DLGAP3: variants seen among roughly 807,000 people sequenced by gnomAD.
DLGAP3 encodes DLG associated protein 3.
In DLGAP3, 17 loss-of-function variants were observed where a neutral mutation model predicts 81.2. The observed-to-expected ratio is 0.21, with a 90% CI of 0.14 to 0.31. DLGAP3 has a LOEUF of 0.31. Among genes scored for constraint, DLGAP3 ranks in the 10% least tolerant of loss-of-function variants. DLGAP3 has a pLI of 1.00. For missense variants in DLGAP3, 1,124 were observed against 1,388.0 expected (o/e 0.81, Z 3.02); for synonymous variants, 577 against 587.4 (o/e 0.98, Z 0.26).
chr1:34,868,921 G>C lies in DLGAP3; in HGVS notation c.2169C>G (p.Pro723=), dbSNP rs200523465. The change falls in exon 9 of 12, where the codon CCC becomes CCG. Residue 723 remains proline (P), a synonymous_variant. Coordinates refer to ENST00000373347, the MANE Select transcript of DLGAP3 (RefSeq NM_001080418.3). The surrounding 1 kb of genome is among the most constrained non-coding windows in gnomAD (Gnocchi z 7.5). The part of the protein sequence containing the change: ...ASEPQPGPRA[P]TYSVFRTVHT... Reference sequence around the variant, plus strand: ...GGACCGTGCGGAAGACTGAGTAGGTGGGGGCCCGGGGCCCAGGCTGGGGCT... The same window carrying C: ...GGACCGTGCGGAAGACTGAGTAGGTCGGGGCCCGGGGCCCAGGCTGGGGCT... 4.6e-5 allele frequency: 74 copies of C among 1,608,548 alleles called. No individual in the cohort carries two copies. The East Asian group carries it at 1.3e-3, about 28-fold the overall frequency.
rs776159291 is a variant in DLGAP3, at chr1:34,868,710, C to CGCGTGGGCAGGGGGATGCGCG, written c.2359_2379dup (p.Arg787_Arg793dup). ...AGCATCTTGATGAACCACTCGCCGT[C>CGCGTGGGCAGGGGGATGCGCG]GCGTGGGCAGGGGGATGCGCGGCCT... On this transcript the variant is annotated inframe_insertion, in exon 9 of 12. Transcript: ENST00000373347. This position sits in a 1 kb window ranked among gnomAD's most constrained non-coding sequence, Gnocchi z 7.5. 6.2e-7 allele frequency: 1 copy of CGCGTGGGCAGGGGGATGCGCG among 1,611,034 alleles called. No homozygotes were observed. Among genetic ancestry groups the CGCGTGGGCAGGGGGATGCGCG allele is most frequent in the Non-Finnish European group, 8.5e-7 (1 of 1,179,958 alleles).
In DLGAP3 at chr1:34,867,104, T is replaced by C; in HGVS notation, c.2665A>G (p.Lys889Glu). 1 of 1,614,108 alleles carries C rather than the reference T, an allele frequency of 6.2e-7. No individual in the cohort carries two copies. Among genetic ancestry groups the C allele is most frequent in the Non-Finnish European group, 8.5e-7 (1 of 1,179,986 alleles). ...LQLSIEDVTLKFLELQQLKAN... is the reference protein window; with the variant it reads ...LQLSIEDVTLEFLELQQLKAN... ...TTGAGTTGCTGTAGCTCCAGGAACT[T>C]GAGGGTCACATCCTCGATGGAGAGC... Residue 889 changes from lysine to glutamate, a missense_variant, in exon 11 of 12, where the codon AAG becomes GAG. Coordinates refer to ENST00000373347, the MANE Select transcript of DLGAP3 (RefSeq NM_001080418.3). This position sits in a 1 kb window ranked among gnomAD's most constrained non-coding sequence, Gnocchi z 4.3.
At chr1:34,883,588 T>C (rs1005523201) in intron 8 of DLGAP3, among the ~76,000 whole-genome samples, 1 of 152,196 alleles carries the variant, frequency 6.6e-6, no homozygotes, top group African/African-American at 2.4e-5. Flanking sequence ...ATTTGCAAAT[T>C]GGGTTTGCCA....
At chr1:34,897,112 G>A (rs115330603) in intron 5 of DLGAP3, among the ~76,000 whole-genome samples, 2,257 of 149,014 alleles carry the variant, frequency 0.015, 33 homozygotes, top group Non-Finnish European at 0.022. Flanking sequence ...AATACTAAAC[G>A]AAAAAAAAAT....
At chr1:34,893,469 G>C (rs1005699249) in intron 5 of DLGAP3, among the ~76,000 whole-genome samples, 1 of 152,176 alleles carries the variant, frequency 6.6e-6, no homozygotes, top group Non-Finnish European at 1.5e-5. Flanking sequence ...ACCAGAAATG[G>C]TAAATATGTG....
At chr1:34,901,120 G>T (rs1309032655) in intron 3 of DLGAP3, among the ~76,000 whole-genome samples, 1 of 152,156 alleles carries the variant, frequency 6.6e-6, no homozygotes, top group East Asian at 1.9e-4. Context: ...TGAGCAGGTG[G>T]TTGGATGTTT....
Position 34,865,725 on chromosome 1 carries a change from GA to G in DLGAP3, c.*357del, listed in dbSNP as rs1401170523. 4,725 of 337,682 alleles carry G rather than the reference GA, an allele frequency of 0.014. 251 individuals carry two copies. Among genetic ancestry groups the G allele is most frequent in the African/African-American group, 0.1 (4,387 of 42,840 alleles). 20.9% of individuals were successfully genotyped at this position (337,682 alleles called of 1,614,324 possible). On this transcript the variant is annotated 3_prime_UTR_variant, in exon 12 of 12. Transcript: ENST00000373347. ...CGAAGCCCAGCCCCGCGGGGTGGGG[GA>G]GGGGGGGACGCAGAGCCCAGATGAG...
chr1:34,900,364 G>T lies in DLGAP3; in HGVS notation c.1108-91C>A, dbSNP rs1639437655. 3 of 1,384,124 alleles carry T rather than the reference G, an allele frequency of 2.2e-6. No individual in the cohort carries two copies. The highest frequency in any genetic ancestry group is 1.4e-5 in the African/African-American group (1 of 70,750). 85.7% of individuals were successfully genotyped at this position (1,384,124 alleles called of 1,614,324 possible). ...CCCCACTGCCAGTGGGAGATGCCCT[G>T]CCCTGGCTTGAACAGGCACACTCAG... On this transcript the variant is annotated intron_variant, in intron 3 of 11. Transcript: ENST00000373347. The surrounding 1 kb of genome is among the most constrained non-coding windows in gnomAD (Gnocchi z 5.6).
chr1:34,886,329 G>T (rs1005233438), intron 5 of DLGAP3, 44 bp from the exon 6 acceptor site: 10 of 1,511,350 alleles, frequency 6.6e-6, no homozygotes, highest in Admixed American at 4.0e-5. Flanking sequence ...GGTGCCGGGA[G>T]GGGGTGGAAG....
intron 1 of DLGAP3, among the ~76,000 whole-genome samples, chr1:34,920,813 A>G (rs996441614): frequency 1.2e-4 from 19 of 152,240 alleles, no homozygotes; most frequent in Non-Finnish European, 2.1e-4. Flanking sequence ...AAACAGATGA[A>G]GCTCCCATGC....
At position 34,895,945 on chromosome 1, in the gene DLGAP3, C is replaced by T. The variant is rs1639374790; in HGVS notation, c.1386+3724G>A. On this transcript the variant is annotated intron_variant, in intron 5 of 11. Transcript: ENST00000373347. This position sits in a 1 kb window ranked among gnomAD's most constrained non-coding sequence, Gnocchi z 4.5. ...ACACACACACACACACACACACACA[C>T]ACACACACACTACTCAAAGTGGGTC... 7.4e-6 allele frequency among the ~76,000 whole-genome samples: 1 copy of T among 135,998 alleles called. No individual in the cohort carries two copies. Among genetic ancestry groups the T allele is most frequent in the Non-Finnish European group, 1.6e-5 (1 of 61,578 alleles). 89.2% of individuals were successfully genotyped at this position (135,998 alleles called of 152,430 possible).
intron 8 of DLGAP3, among the ~76,000 whole-genome samples, chr1:34,875,777 A>T (rs948751484): frequency 3.3e-5 from 5 of 152,240 alleles, no homozygotes; most frequent in African/African-American, 1.2e-4. Flanking sequence ...CTGATTAAGT[A>T]TGTTCTCTCT....
chr1:34,907,626 C>T (rs1461552174), intron 1 of DLGAP3, among the ~76,000 whole-genome samples, 189 bp from the exon 2 acceptor site: 6 of 152,186 alleles, frequency 3.9e-5, no homozygotes, highest in African/African-American at 1.4e-4. Flanking sequence ...CAAATACATT[C>T]AAATGAGCTT....
In DLGAP3 at chr1:34,868,707, C is replaced by G. The variant is rs200442780; in HGVS notation, c.2383G>C (p.Gly795Arg). 6.2e-7 allele frequency: 1 copy of G among 1,611,156 alleles called. No individual in the cohort carries two copies. The highest frequency in any genetic ancestry group is 8.5e-7 in the Non-Finnish European group (1 of 1,179,986). ...CGCAGCATCTTGATGAACCACTCGC[C>G]GTCGCGTGGGCAGGGGGATGCGCGG... is the stretch of plus-strand genomic sequence containing the variant. ...SGRASPCPRD[G>R]EWFIKMLRAE... is the part of the protein sequence containing the mutation. The change falls in exon 9 of 12, where the codon GGC (glycine) becomes CGC (arginine). Residue 795 changes from glycine to arginine, a missense_variant. Gly to Arg is a moderately radical substitution (Grantham distance 125). Coordinates refer to ENST00000373347, the MANE Select transcript of DLGAP3 (RefSeq NM_001080418.3). The surrounding 1 kb of genome is among the most constrained non-coding windows in gnomAD (Gnocchi z 7.5).
In DLGAP3 at chr1:34,865,746, G is replaced by C. The variant is rs972695054; in HGVS notation, c.*337C>G. On this transcript the variant is annotated 3_prime_UTR_variant, in exon 12 of 12. Coordinates refer to ENST00000373347, the MANE Select transcript of DLGAP3 (RefSeq NM_001080418.3). ...GGGGGAGGGGGGGACGCAGAGCCCA[G>C]ATGAGGGACCCGGCCCGGCCTGGCC... 1 of 377,594 alleles carries C rather than the reference G, an allele frequency of 2.6e-6. No individual in the cohort carries two copies. The highest frequency in any genetic ancestry group is 2.2e-5 in the African/African-American group (1 of 44,658). The allele number at this position is 377,594 out of a possible 1,614,324, so 23.4% of individuals were successfully genotyped here.
chr1:34,922,359 T>C (rs1364267373), intron 1 of DLGAP3, among the ~76,000 whole-genome samples: 2 of 152,218 alleles, frequency 1.3e-5, no homozygotes, highest in East Asian at 3.8e-4. Context: ...GGTAGCCCAA[T>C]GTTCAGTCAG....
At chr1:34,919,420 GAGGTTTAACCTC>G (rs1639766662) in intron 1 of DLGAP3, among the ~76,000 whole-genome samples, 1 of 152,174 alleles carries the variant, frequency 6.6e-6, no homozygotes, top group Non-Finnish European at 1.5e-5. Flanking sequence ...GGTCCTGCCT[GAGGTTTAACCTC>G]AGTTGCTCAT....
Position 34,900,261 on chromosome 1 carries a change from C to A in DLGAP3, c.1120G>T (p.Asp374Tyr). Reference sequence around the variant, plus strand: ...CCACCGGTGGGGTAACCCCCCCAGTCATCTTGCGGCACCTGCAGGAACAGG... The same window carrying A: ...CCACCGGTGGGGTAACCCCCCCAGTAATCTTGCGGCACCTGCAGGAACAGG... ...TYHYLQVPQD[D>Y]WGGYPTGGKD... The change falls in exon 4 of 12, where the codon GAC (aspartate) becomes TAC (tyrosine). Residue 374 changes from aspartate to tyrosine, a missense_variant. Physicochemically the swap from Asp to Tyr is radical, Grantham distance 160. Coordinates refer to ENST00000373347, the MANE Select transcript of DLGAP3 (RefSeq NM_001080418.3). This position sits in a 1 kb window ranked among gnomAD's most constrained non-coding sequence, Gnocchi z 5.6. 1 of 1,613,948 alleles carries A rather than the reference C, an allele frequency of 6.2e-7. No individual in the cohort carries two copies. The highest frequency in any genetic ancestry group is 8.5e-7 in the Non-Finnish European group (1 of 1,179,976).
intron 1 of DLGAP3, among the ~76,000 whole-genome samples, chr1:34,911,350 A>T (rs1198445294): frequency 6.6e-6 from 1 of 152,188 alleles, no homozygotes; most frequent in African/African-American, 2.4e-5. Context: ...GTGAGCACTG[A>T]GTTTATACCA....
Sources: allele counts gnomAD v4.1 joint callset (sites outside exome capture counted in the v4.1 genomes callset), GRCh38; gene constraint gnomAD v4.1.1; non-coding constraint Gnocchi (gnomAD v3.1); transcripts MANE v1.5; gene names NCBI Gene and HGNC (gene_info 2026-07-23, HGNC 2026-07-21).